PFKP: variants seen among roughly 807,000 people sequenced by gnomAD.
The protein encoded by PFKP is phosphofructokinase, platelet.
In PFKP, 101 loss-of-function variants were observed where a neutral mutation model predicts 94.3. The observed-to-expected ratio is 1.07, with a 90% CI of 0.91 to 1.26. The LOEUF is 1.26. Ranked by LOEUF, PFKP falls within the 50% of genes most tolerant of loss-of-function variation. PFKP has a pLI of 0.00. For missense variants in PFKP, 1,145 were observed against 1,103.3 expected, an observed-to-expected ratio of 1.04 and a Z score of -0.53; for synonymous variants, 573 against 432.6, an observed-to-expected ratio of 1.32 and a Z score of -4.03.
intron 10 of PFKP, among the ~76,000 whole-genome samples, chr10:3,110,213 T>A (rs976356029): frequency 2.1e-4 from 32 of 152,046 alleles, no homozygotes; most frequent in East Asian, 1.9e-3. Flanking sequence ...TTAATTTATT[T>A]ATTTAGAGAC....
chr10:3,119,434 C>T (rs866481300), intron 15 of PFKP, among the ~76,000 whole-genome samples: 21 of 123,672 alleles, frequency 1.7e-4, no homozygotes, highest in African/African-American at 4.1e-4. Context: ...GGTGAAACCC[C>T]GTCTCTACTA....
intron 3 of PFKP, chr10:3,101,032 C>G (rs1834949690): frequency 1.9e-6 from 3 of 1,558,326 alleles, no homozygotes; most frequent in Non-Finnish European, 2.7e-6. Context: ...TCCACGTGCA[C>G]CTGGTTGAGC....
At chr10:3,101,944 G>T (rs540800306) in intron 4 of PFKP, among the ~76,000 whole-genome samples, 71 of 152,252 alleles carry the variant, frequency 4.7e-4, no homozygotes, top group African/African-American at 1.6e-3. Context: ...CCTCCAGCTC[G>T]CTGGGGTCCT....
At chr10:3,130,006 G>A (rs1396596356) in intron 17 of PFKP, 23 bp downstream of exon 17, 2 of 1,547,698 alleles carry the variant, frequency 1.3e-6, no homozygotes, top group East Asian at 4.5e-5. Context: ...GCTGGCCTCA[G>A]GGCCCGTCCC....
intron 1 of PFKP, among the ~76,000 whole-genome samples, chr10:3,071,620 A>G (rs1470270423): frequency 6.6e-6 from 1 of 151,872 alleles, no homozygotes; most frequent in Non-Finnish European, 1.5e-5. Context: ...AGAGTGACTC[A>G]TTGTCTTAGT....
intron 1 of PFKP, among the ~76,000 whole-genome samples, chr10:3,081,806 A>G (rs1351606396): frequency 6.6e-6 from 1 of 152,164 alleles, no homozygotes; most frequent in African/African-American, 2.4e-5. Flanking sequence ...ACAGACCTAC[A>G]TGATGATACA....
chr10:3,105,727 G>A (rs543251579), intron 7 of PFKP, among the ~76,000 whole-genome samples: 17 of 152,322 alleles, frequency 1.1e-4, no homozygotes, highest in Non-Finnish European at 2.5e-4. Context: ...GGCTGAGACA[G>A]AGTGAGCCTG....
At chr10:3,119,841 T>C (rs6602025) in intron 15 of PFKP, 51 bp from the exon 16 acceptor site, 1,477,619 of 1,593,676 alleles carry the variant, frequency 0.93, 685,799 homozygotes, top group Admixed American at 0.94. Context: ...AGCGAGACCC[T>C]CTCCTCCCCA....
intron 2 of PFKP, among the ~76,000 whole-genome samples, chr10:3,092,472 G>T (rs1834121041): frequency 6.6e-6 from 1 of 151,928 alleles, no homozygotes; most frequent in African/African-American, 2.4e-5. Flanking sequence ...GGAGTAGGCT[G>T]GCTGTGTTAG....
intron 1 of PFKP, among the ~76,000 whole-genome samples, chr10:3,069,830 G>A (rs186860603): frequency 1.1e-4 from 17 of 152,364 alleles, no homozygotes; most frequent in Non-Finnish European, 2.1e-4. Flanking sequence ...GGGAGTTTGT[G>A]TACAGGCATG....
At chr10:3,108,910 G>C (rs1835889814) in intron 9 of PFKP, 117 bp downstream of exon 9, 1 of 757,700 alleles carries the variant, frequency 1.3e-6, no homozygotes, top group South Asian at 1.5e-5. Context: ...AGATGCCCGC[G>C]GCCCGGCCCT....
chr10:3,112,095 G>A (rs1187267916), intron 10 of PFKP, 127 bp from the exon 11 acceptor site: 2 of 758,246 alleles, frequency 2.6e-6, no homozygotes, highest in Admixed American at 3.9e-5. Flanking sequence ...TTAACCCTGG[G>A]GCTGCTGGCT....
chr10:3,071,529 C>T (rs550113138), intron 1 of PFKP, among the ~76,000 whole-genome samples: 3 of 145,204 alleles, frequency 2.1e-5, no homozygotes, highest in East Asian at 4.4e-4. Flanking sequence ...TTCACTCAAT[C>T]TGAAATAAGC....
intron 8 of PFKP, chr10:3,107,956 G>T (rs151300480): frequency 7.8e-7 from 1 of 1,289,700 alleles, no homozygotes; most frequent in East Asian, 5.5e-5. Flanking sequence ...GGCAGAAGAC[G>T]TCCCCACCTG....
At chr10:3,083,287 T>A (rs1401664674) in intron 2 of PFKP, among the ~76,000 whole-genome samples, 2 of 152,242 alleles carry the variant, frequency 1.3e-5, no homozygotes. Context: ...ACTCCCTGTC[T>A]GCCACTTTTG....
chr10:3,105,888 C>T (rs1459265382), intron 7 of PFKP, among the ~76,000 whole-genome samples: 3 of 152,144 alleles, frequency 2.0e-5, no homozygotes, highest in Non-Finnish European at 4.4e-5. Flanking sequence ...TGAGTTAATC[C>T]ACATCATGGA....
chr10:3,070,710 T>G (rs910501939), intron 1 of PFKP, among the ~76,000 whole-genome samples: 5 of 151,922 alleles, frequency 3.3e-5, no homozygotes, highest in African/African-American at 1.2e-4. Flanking sequence ...GCAAAACAGA[T>G]CTTAATTCCA....
intron 16 of PFKP, among the ~76,000 whole-genome samples, chr10:3,128,346 C>T (rs541868905): frequency 3.9e-5 from 6 of 152,078 alleles, no homozygotes; most frequent in African/African-American, 9.7e-5. Flanking sequence ...GGGGTGGCTC[C>T]GAGAGCCCCT....
chr10:3,093,689 G>T (rs567395021), intron 2 of PFKP, among the ~76,000 whole-genome samples: 81 of 130,388 alleles, frequency 6.2e-4, no homozygotes, highest in African/African-American at 2.2e-3. Context: ...TGTCACCCAG[G>T]CTGGAGTGCA....
Sources: gnomAD v4.1 joint callset for allele counts (sites outside exome capture counted in the v4.1 genomes callset) on GRCh38, gnomAD v4.1.1 for gene constraint, MANE v1.5 for transcripts, NCBI Gene and HGNC (gene_info 2026-07-23, HGNC 2026-07-21) for gene names.